The following MCC variants were observed in gnomAD, a reference collection of about 807,000 sequenced individuals.
MCC encodes the protein colorectal mutant cancer protein.
A neutral mutation model predicts 116.2 loss-of-function variants in MCC; 90 were observed. The ratio of observed to expected loss-of-function variants is 0.77; its 90% confidence interval spans 0.65 to 0.92. The LOEUF is 0.92. MCC is among the 40% of genes least tolerant of loss of function. The probability of loss-of-function intolerance (pLI) is 0.00; values close to 1 mark genes in which losing one functional copy is unlikely to be tolerated. For synonymous variants in MCC, 578 were observed against 510.5 expected (o/e 1.13, Z -1.78); for missense variants, 1,516 against 1,312.2 (o/e 1.16, Z -2.40).
chr5:113,275,290 G>GATT (rs1157055945), intron 3 of MCC, among the ~76,000 whole-genome samples: 1 of 152,162 alleles, frequency 6.6e-6, no homozygotes, highest in Non-Finnish European at 1.5e-5. Context: ...TGTTGCTCTA[G>GATT]ATTAGCATTT....
At chr5:113,055,738 C>A (rs1430462202) in intron 14 of MCC, among the ~76,000 whole-genome samples, 1 of 152,208 alleles carries the variant, frequency 6.6e-6, no homozygotes, top group Non-Finnish European at 1.5e-5. Flanking sequence ...GCTATGTGCG[C>A]AGTTGCTTGG....
intron 3 of MCC, among the ~76,000 whole-genome samples, chr5:113,197,997 G>A (rs1762495984): frequency 6.6e-6 from 1 of 152,230 alleles, no homozygotes; most frequent in East Asian, 1.9e-4. Context: ...GCTATGGAAT[G>A]GTGCAGATTA....
chr5:113,371,489 A>T (rs192756120), intron 2 of MCC, among the ~76,000 whole-genome samples: 1 of 152,250 alleles, frequency 6.6e-6, no homozygotes, highest in East Asian at 1.9e-4. Context: ...CAAAGAAATA[A>T]ATCTGACACG....
intron 3 of MCC, among the ~76,000 whole-genome samples, chr5:113,320,477 A>T (rs549742830): frequency 6.6e-6 from 1 of 151,494 alleles, no homozygotes; most frequent in South Asian, 2.1e-4. Flanking sequence ...GGCTGTTTAA[A>T]TGTCATCTTG....
At chr5:113,353,007 C>T (rs1768318260) in intron 2 of MCC, among the ~76,000 whole-genome samples, 1 of 152,140 alleles carries the variant, frequency 6.6e-6, no homozygotes, top group Admixed American at 6.6e-5. Context: ...TTTCATATGC[C>T]TGTTCCCCAC....
Position 113,434,175 on chromosome 5 carries a change from T to C in MCC, c.171-48963A>G, listed in dbSNP as rs2150412540. 1 of 1,614,158 alleles carries C rather than the reference T, an allele frequency of 6.2e-7. No individual in the cohort carries two copies. Among genetic ancestry groups the C allele is most frequent in the Non-Finnish European group, 8.5e-7 (1 of 1,179,998 alleles). ...CTCCTTCTGGATACGCAGCATCTTC[T>C]TGATGTTGGAGTCGTCGTAGGGCAT... On this transcript the variant is annotated intron_variant, in intron 1 of 18. Coordinates refer to ENST00000408903, the MANE Select transcript of MCC (RefSeq NM_001085377.2). The surrounding 1 kb of genome is among the most constrained non-coding windows in gnomAD (Gnocchi z 4.2).
At chr5:113,320,701 C>T (rs553964924) in intron 3 of MCC, among the ~76,000 whole-genome samples, 374 of 152,322 alleles carry the variant, frequency 2.5e-3, no homozygotes, top group African/African-American at 8.5e-3. Flanking sequence ...GATATCCTCA[C>T]ATATTAAACA....
chr5:113,071,506 T>G (rs554048050), intron 11 of MCC, among the ~76,000 whole-genome samples: 1 of 152,272 alleles, frequency 6.6e-6, no homozygotes. Flanking sequence ...CAGGGCACAG[T>G]GCTAGGCTCT....
rs771959409 is a variant in MCC, at chr5:113,104,213, C to T, written c.1170G>A (p.Glu390=). Residue 390 remains glutamate (E), a synonymous_variant, in exon 7 of 19, where the codon GAG becomes GAA. Coordinates refer to ENST00000408903, the MANE Select transcript of MCC (RefSeq NM_001085377.2). ...KHIEQLTTAS[E]HCDLAIKTVE... ...CTACCTTAATAGCCAGGTCACAGTG[C>T]TCGCTGGCTGTGGTGAGCTGCTCAA... 5.0e-6 allele frequency: 8 copies of T among 1,613,090 alleles called. No homozygotes were observed. Among genetic ancestry groups the T allele is most frequent in the African/African-American group, 2.7e-5 (2 of 74,930 alleles).
At chr5:113,127,667 A>G (rs185913431) in intron 5 of MCC, among the ~76,000 whole-genome samples, 537 of 152,172 alleles carry the variant, frequency 3.5e-3, no homozygotes, top group Non-Finnish European at 5.8e-3. Context: ...ATGTCTGTTC[A>G]TGTCCTTTGC....
chr5:113,209,280 T>C (rs187434878), intron 3 of MCC, among the ~76,000 whole-genome samples: 94 of 152,360 alleles, frequency 6.2e-4, no homozygotes, highest in African/African-American at 1.9e-3. Flanking sequence ...CTTATTAAAA[T>C]GCCTCAGAAG....
chr5:113,110,196 G>C lies in MCC; in HGVS notation c.1028-5841C>G, dbSNP rs115826112. Among the ~76,000 whole-genome samples the C allele has an allele frequency of 4.8e-3, 725 of 152,238 alleles. 4 individuals are homozygous for C. The highest frequency in any genetic ancestry group is 0.016 in the African/African-American group (673 of 41,538). On this transcript the variant is annotated intron_variant, in intron 6 of 18. Transcript: ENST00000408903. ...TGGTAGCAAATACACATTCCTTTAA[G>C]TTTATCTGTACTGTGCCCCTTTCTA...
At chr5:113,446,962 A>G (rs1285581502) in intron 1 of MCC, among the ~76,000 whole-genome samples, 1 of 152,146 alleles carries the variant, frequency 6.6e-6, no homozygotes, top group African/African-American at 2.4e-5. Context: ...AGTTAAAATT[A>G]TTGAAAAAAA....
intron 3 of MCC, among the ~76,000 whole-genome samples, chr5:113,190,419 C>T (rs1250718341): frequency 6.6e-6 from 1 of 152,114 alleles, no homozygotes; most frequent in Non-Finnish European, 1.5e-5. Context: ...GAAGGAGGGG[C>T]TATAAGGATT....
intron 1 of MCC, 60 bp from the exon 2 acceptor site, chr5:113,385,272 T>G: frequency 6.6e-7 from 1 of 1,520,092 alleles, no homozygotes; most frequent in Non-Finnish European, 8.9e-7. Flanking sequence ...CTAGAGAAAC[T>G]GGTTAATGAA....
intron 5 of MCC, among the ~76,000 whole-genome samples, chr5:113,124,810 T>C (rs898190952): frequency 2.6e-5 from 4 of 152,104 alleles, no homozygotes; most frequent in South Asian, 4.1e-4. Flanking sequence ...AAAACAAAGA[T>C]AGGAACACAA....
intron 12 of MCC, among the ~76,000 whole-genome samples, chr5:113,069,459 T>C (rs1239277755): frequency 6.6e-6 from 1 of 152,266 alleles, no homozygotes; most frequent in Non-Finnish European, 1.5e-5. Context: ...TCCCAGATAA[T>C]ATGCCTGCAG....
chr5:113,213,388 C>G (rs1439476344), intron 3 of MCC, among the ~76,000 whole-genome samples: 1 of 152,162 alleles, frequency 6.6e-6, no homozygotes, highest in African/African-American at 2.4e-5. Context: ...ATAAAGAAAT[C>G]TGTTTTTTAG....
At chr5:113,366,977 A>AC (rs1768703351) in intron 2 of MCC, among the ~76,000 whole-genome samples, 1 of 151,832 alleles carries the variant, frequency 6.6e-6, no homozygotes, top group African/African-American at 2.4e-5. Context: ...AATTTTTAAA[A>AC]TTTTTTGTAG....
Sources: gnomAD v4.1 joint callset for allele counts (sites outside exome capture counted in the v4.1 genomes callset) on GRCh38, gnomAD v4.1.1 for gene constraint, Gnocchi (gnomAD v3.1) non-coding constraint, MANE v1.5 for transcripts, NCBI Gene and HGNC (gene_info 2026-07-23, HGNC 2026-07-21) for gene names.